SLCO1B1: variants seen among roughly 807,000 people sequenced by gnomAD.
The protein encoded by SLCO1B1 is OATP-2.
Under a neutral mutation model 70.1 loss-of-function variants are expected in SLCO1B1, and 81 were observed. The observed-to-expected ratio is 1.16, with a 90% CI of 0.97 to 1.39. The LOEUF (loss-of-function observed/expected upper bound fraction) is 1.39. Ranked by LOEUF, SLCO1B1 falls within the 40% of genes most tolerant of loss-of-function variation. The pLI, the probability that SLCO1B1 is intolerant of heterozygous loss-of-function variation, is 0.00. For synonymous variants in SLCO1B1, 283 were observed against 271.5 expected, an observed-to-expected ratio of 1.04 and a Z score of -0.42; for missense variants, 895 against 799.6, an observed-to-expected ratio of 1.12 and a Z score of -1.44.
chr12:21,206,894 A>G (rs909391284), intron 11 of SLCO1B1, among the ~76,000 whole-genome samples: 2 of 151,946 alleles, frequency 1.3e-5, no homozygotes, highest in Admixed American at 6.6e-5. Flanking sequence ...ATTTTTAAAC[A>G]TTCTCCATCT....
intron 14 of SLCO1B1, among the ~76,000 whole-genome samples, chr12:21,238,160 C>T (rs372466556): frequency 6.6e-6 from 1 of 151,924 alleles, no homozygotes; most frequent in Admixed American, 6.6e-5. Flanking sequence ...CTTTGCTTTT[C>T]AGTTTTGGAG....
chr12:21,221,347 A>T (rs900032809), intron 12 of SLCO1B1, among the ~76,000 whole-genome samples: 10 of 152,174 alleles, frequency 6.6e-5, no homozygotes, highest in Admixed American at 6.5e-4. Flanking sequence ...AAAGGTATCC[A>T]AATTAGAAAA....
In SLCO1B1 at chr12:21,173,978, C is replaced by T. The variant is rs573463912; in HGVS notation, c.227-599C>T. ...TTCACTGTGTTAGCCAAGATGGTCTCGATTTCCTGACCTCGTGATCCACCC... is the reference window on the plus strand; with the variant it reads ...TTCACTGTGTTAGCCAAGATGGTCTTGATTTCCTGACCTCGTGATCCACCC... On this transcript the variant is annotated intron_variant, in intron 3 of 14. Transcript: ENST00000256958. Among the ~76,000 whole-genome samples, 27 of 151,980 alleles carry T rather than the reference C, an allele frequency of 1.8e-4. No homozygotes were observed. The South Asian group carries it at 5.4e-3, about 30-fold the overall frequency.
chr12:21,163,935 A>C (rs1473659057), intron 2 of SLCO1B1, among the ~76,000 whole-genome samples: 1 of 121,544 alleles, frequency 8.2e-6, no homozygotes, highest in Non-Finnish European at 1.9e-5. Context: ...GTATGAAACA[A>C]ATCACTGAAA....
At position 21,202,681 on chromosome 12, in the gene SLCO1B1, TG is replaced by T. The variant is rs1565437813; in HGVS notation, c.1327del (p.Asp443MetfsTer6). The T allele has an allele frequency of 6.2e-7, 1 of 1,609,560 alleles. No individual in the cohort carries two copies. Among genetic ancestry groups the T allele is most frequent in the South Asian group, 1.1e-5 (1 of 91,022 alleles). ...KSVAGLTMTY[D>X]GNNPVTSHRD... Reference sequence around the variant, plus strand: ...CAGTTGCCGGACTAACCATGACCTATGATGGGTTTGTATATATCACTATATC... The same window carrying T: ...CAGTTGCCGGACTAACCATGACCTATATGGGTTTGTATATATCACTATATC... On this transcript the variant is annotated frameshift_variant, in exon 10 of 15. Transcript: ENST00000256958. LOFTEE classifies it high-confidence loss of function.
chr12:21,137,845 C>A (rs1324781451), intron 1 of SLCO1B1, among the ~76,000 whole-genome samples: 4 of 152,224 alleles, frequency 2.6e-5, no homozygotes, highest in Admixed American at 2.6e-4. Context: ...ACCCACTGTC[C>A]TGCACCTACT....
chr12:21,223,028 A>C (rs889174597), intron 13 of SLCO1B1, among the ~76,000 whole-genome samples: 1 of 152,132 alleles, frequency 6.6e-6, no homozygotes, highest in African/African-American at 2.4e-5. Flanking sequence ...GACTCTGTAC[A>C]TTCTGGCAGG....
chr12:21,207,854 G>C (rs1052088449), intron 11 of SLCO1B1, among the ~76,000 whole-genome samples: 1 of 151,746 alleles, frequency 6.6e-6, no homozygotes, highest in African/African-American at 2.4e-5. Flanking sequence ...GTGTGAGATG[G>C]TATCTCCTTG....
rs138072882 is a variant in SLCO1B1, at chr12:21,233,101, G to A, written c.1866-5878G>A. Among the ~76,000 whole-genome samples, 115 of 152,118 alleles carry A rather than the reference G, an allele frequency of 7.6e-4. No homozygotes were observed. In the South Asian group the frequency reaches 8.7e-3, roughly 12 times the overall value. On this transcript the variant is annotated intron_variant, in intron 14 of 14. Transcript: ENST00000256958. ...CAGCACCCAATATTGACCTGGCGAGGCTCAAACTTTCTTTCATTGGTCCCT... is the reference window on the plus strand; with the variant it reads ...CAGCACCCAATATTGACCTGGCGAGACTCAAACTTTCTTTCATTGGTCCCT...
intron 7 of SLCO1B1, among the ~76,000 whole-genome samples, chr12:21,179,698 C>CT (rs1244445450): frequency 1.3e-5 from 2 of 151,964 alleles, no homozygotes; most frequent in Non-Finnish European, 2.9e-5. Context: ...TCTTCTTTTT[C>CT]TTTTTTGCAG....
chr12:21,146,475 G>A (rs1401366589), intron 2 of SLCO1B1, among the ~76,000 whole-genome samples: 1 of 151,674 alleles, frequency 6.6e-6, no homozygotes, highest in Non-Finnish European at 1.5e-5. Context: ...ATTTTTTCTT[G>A]TGCTTACTTA....
chr12:21,214,559 G>T (rs900111806), intron 11 of SLCO1B1, among the ~76,000 whole-genome samples: 5 of 151,050 alleles, frequency 3.3e-5, no homozygotes, highest in African/African-American at 1.2e-4. Flanking sequence ...ACAGAGGCAG[G>T]CAGGCCTCCT....
chr12:21,236,547 C>A (rs1941597307), intron 14 of SLCO1B1, among the ~76,000 whole-genome samples: 1 of 152,162 alleles, frequency 6.6e-6, no homozygotes, highest in Admixed American at 6.5e-5. Context: ...AATAGCATTA[C>A]CCTGCATCAA....
intron 10 of SLCO1B1, 133 bp from the exon 11 acceptor site, chr12:21,205,735 T>A: frequency 1.5e-6 from 1 of 654,556 alleles, no homozygotes; most frequent in South Asian, 2.3e-5. Context: ...AATTTCTTCA[T>A]ATAAAGAAAA....
chr12:21,155,943 A>G (rs950625677), intron 2 of SLCO1B1, among the ~76,000 whole-genome samples: 9 of 152,160 alleles, frequency 5.9e-5, no homozygotes, highest in African/African-American at 2.2e-4. Flanking sequence ...CATGCAACCA[A>G]TGTCTGAACA....
At chr12:21,231,672 CATATATGT>C (rs1941540292) in intron 14 of SLCO1B1, among the ~76,000 whole-genome samples, 1 of 151,584 alleles carries the variant, frequency 6.6e-6, no homozygotes, top group South Asian at 2.1e-4. Flanking sequence ...CATATATATA[CATATATGT>C]ATATATGTGT....
chr12:21,221,781 G>T (rs745899106), intron 12 of SLCO1B1, among the ~76,000 whole-genome samples: 1 of 152,016 alleles, frequency 6.6e-6, no homozygotes, highest in Non-Finnish European at 1.5e-5. Flanking sequence ...GAATGTTGAG[G>T]AAAAGGAATG....
rs776079352 is a variant in SLCO1B1, at chr12:21,176,809, A to G, written c.393A>G (p.Ser131=). Residue 131 remains serine (S), a synonymous_variant, in exon 5 of 15, where the codon TCA becomes TCG. Coordinates refer to ENST00000256958, the MANE Select transcript of SLCO1B1 (RefSeq NM_006446.5). ...YRYSKETNIN[S]SENSTSTLST... ...ATTCTAAAGAAACTAATATCAATTC[A>G]TCAGAAAATTCAACATCGACCTTAT... 2.6e-6 allele frequency: 4 copies of G among 1,539,644 alleles called. No homozygotes were observed. Among genetic ancestry groups the G allele is most frequent in the East Asian group, 2.3e-5 (1 of 44,368 alleles).
intron 7 of SLCO1B1, among the ~76,000 whole-genome samples, chr12:21,187,333 T>C (rs1168539189): frequency 4.6e-5 from 7 of 152,148 alleles, no homozygotes; most frequent in Non-Finnish European, 1.5e-5. Flanking sequence ...TTAGTACTCT[T>C]TTTCAGAATT....
Sources: allele counts gnomAD v4.1 joint callset (sites outside exome capture counted in the v4.1 genomes callset), GRCh38; gene constraint gnomAD v4.1.1; transcripts MANE v1.5; gene names NCBI Gene and HGNC (gene_info 2026-07-23, HGNC 2026-07-21).